HIVEP3: variants seen among roughly 807,000 people sequenced by gnomAD.
HIVEP3 encodes transcription factor HIVEP3.
Under a neutral mutation model 152.8 loss-of-function variants are expected in HIVEP3, and 49 were observed. That is an observed-to-expected ratio of 0.32 (90% CI 0.26 to 0.41). The LOEUF (loss-of-function observed/expected upper bound fraction) is 0.41, where lower values mean the gene tolerates loss of function less well. Ranked by LOEUF, HIVEP3 falls within the 10% of genes least tolerant of loss-of-function variation. The pLI, the probability that HIVEP3 is intolerant of heterozygous loss-of-function variation, is 1.00. For synonymous variants in HIVEP3, 1,269 were observed against 1,289.0 expected (o/e 0.98, Z 0.33); for missense variants, 2,790 against 3,103.3 (o/e 0.90, Z 2.40).
chr1:42,020,611 C>T (rs957877349), intron 1 of HIVEP3, among the ~76,000 whole-genome samples: 15 of 152,092 alleles, frequency 9.9e-5, no homozygotes, highest in African/African-American at 3.6e-4. Flanking sequence ...GCTGTGCTAC[C>T]TCTATCATAT....
At position 41,582,870 on chromosome 1, in the gene HIVEP3, T is replaced by C. The variant is rs1218561509; in HGVS notation, c.1928A>G (p.Tyr643Cys). The change falls in exon 4 of 9, where the codon TAC (tyrosine) becomes TGC (cysteine). Residue 643 changes from tyrosine (Y) to cysteine (C), a missense_variant. By Grantham distance (194) the Tyr-to-Cys change is radical. This residue lies in a region of HIVEP3 where 339 missense variants were observed against 327.0 expected (regional missense o/e 1.04). Transcript: ENST00000372583. The surrounding 1 kb of genome is among the most constrained non-coding windows in gnomAD (Gnocchi z 4.7). ...KKGLKTKGVI[Y>C]ECNICGARYK... ...CCGAGCACCACATATGTTACATTCG[T>C]AGATCACCCCTTTTGTTTTCAAACC... 2 of 1,614,090 alleles carry C rather than the reference T, an allele frequency of 1.2e-6. No homozygotes were observed. The highest frequency in any genetic ancestry group is 1.1e-5 in the South Asian group (1 of 91,096).
At chr1:42,022,342 G>A (rs886915038) in intron 1 of HIVEP3, among the ~76,000 whole-genome samples, 9 of 151,972 alleles carry the variant, frequency 5.9e-5, no homozygotes, top group Admixed American at 2.6e-4. Context: ...CATCCCTCCC[G>A]TGGGATGCTT....
intron 5 of HIVEP3, among the ~76,000 whole-genome samples, chr1:41,547,023 C>T (rs1162513492): frequency 6.6e-6 from 1 of 152,128 alleles, no homozygotes; most frequent in African/African-American, 2.4e-5. Flanking sequence ...GCTGAAGTGT[C>T]CTCTAGTCTC....
At chr1:41,587,757 A>G (rs1644526464) in intron 3 of HIVEP3, among the ~76,000 whole-genome samples, 1 of 152,156 alleles carries the variant, frequency 6.6e-6, no homozygotes, top group Admixed American at 6.5e-5. Flanking sequence ...TCACACGGGA[A>G]TGGTGGCAGG....
At chr1:41,677,950 A>G (rs1030247365) in intron 2 of HIVEP3, among the ~76,000 whole-genome samples, 3 of 152,188 alleles carry the variant, frequency 2.0e-5, no homozygotes, top group Non-Finnish European at 4.4e-5. Context: ...CTTGACCTGG[A>G]GGCCCCAGCT....
At chr1:41,994,150 T>A (rs1487377962) in intron 1 of HIVEP3, among the ~76,000 whole-genome samples, 4 of 146,028 alleles carry the variant, frequency 2.7e-5, no homozygotes, top group Non-Finnish European at 6.0e-5. Flanking sequence ...TAAAGTATAA[T>A]AATAAAAGAA....
intron 1 of HIVEP3, among the ~76,000 whole-genome samples, chr1:41,780,482 G>A (rs1648977436): frequency 6.6e-6 from 1 of 152,208 alleles, no homozygotes; most frequent in South Asian, 2.1e-4. Context: ...AGTTGGTTGT[G>A]CTGGTTTATT....
At chr1:41,690,573 G>C (rs1646182313) in intron 2 of HIVEP3, among the ~76,000 whole-genome samples, 1 of 152,224 alleles carries the variant, frequency 6.6e-6, no homozygotes. Flanking sequence ...AGCATCTCCA[G>C]AGCCCTGTGC....
intron 5 of HIVEP3, among the ~76,000 whole-genome samples, chr1:41,559,439 C>T (rs1569901957): frequency 6.6e-6 from 1 of 152,238 alleles, no homozygotes. Context: ...CCCAGGCCTC[C>T]CTGGCAGGAC....
intron 1 of HIVEP3, among the ~76,000 whole-genome samples, chr1:41,723,468 C>T (rs919085281): frequency 3.4e-5 from 5 of 149,030 alleles, no homozygotes; most frequent in Non-Finnish European, 5.9e-5. Context: ...TGCACCCATA[C>T]CATAAAATCA....
intron 1 of HIVEP3, among the ~76,000 whole-genome samples, chr1:41,792,606 G>C (rs1273992721): frequency 2.0e-5 from 3 of 152,204 alleles, no homozygotes; most frequent in Non-Finnish European, 4.4e-5. Context: ...AAAAGGCCAA[G>C]GAGCATGGAA....
intron 1 of HIVEP3, among the ~76,000 whole-genome samples, chr1:41,830,430 G>T (rs1642926586): frequency 1.3e-5 from 2 of 152,200 alleles, no homozygotes; most frequent in African/African-American, 2.4e-5. Flanking sequence ...GGCTATGGTG[G>T]ATGCTGCGGT....
chr1:41,938,559 G>A (rs1645030965), intron 1 of HIVEP3, among the ~76,000 whole-genome samples: 1 of 152,162 alleles, frequency 6.6e-6, no homozygotes, highest in South Asian at 2.1e-4. Context: ...CAAAAAGAAA[G>A]TAAGGATGAG....
chr1:41,948,174 A>ATGGTATGCAGGGT (rs1645085313), intron 1 of HIVEP3, among the ~76,000 whole-genome samples: 1 of 152,258 alleles, frequency 6.6e-6, no homozygotes, highest in Non-Finnish European at 1.5e-5. Context: ...AGGACTTCGA[A>ATGGTATGCAGGGT]AAGCAGGGTA....
intron 2 of HIVEP3, among the ~76,000 whole-genome samples, chr1:41,671,900 G>A (rs1313135670): frequency 6.6e-6 from 1 of 152,220 alleles, no homozygotes; most frequent in African/African-American, 2.4e-5. Flanking sequence ...GGAGGCAGGG[G>A]AAACAGCTGA....
chr1:41,753,376 A>G (rs12411155), intron 1 of HIVEP3, among the ~76,000 whole-genome samples: 1 of 152,198 alleles, frequency 6.6e-6, no homozygotes, highest in African/African-American at 2.4e-5. Flanking sequence ...ATTGGAAGCA[A>G]TGGGCCGGGC....
rs1553216435 is a variant in HIVEP3, at chr1:41,510,389, A to AGTGGCTGGAAACGTCT, written c.*46_*61dup. ...TGAGGAAGTGGGATGATTCGAGGAA[A>AGTGGCTGGAAACGTCT]GTGGCTGGAAACGTCTGTTGCTGGA... On this transcript the variant is annotated 3_prime_UTR_variant, in exon 9 of 9. Coordinates refer to ENST00000372583, the MANE Select transcript of HIVEP3 (RefSeq NM_024503.5). 6.0e-6 allele frequency: 8 copies of AGTGGCTGGAAACGTCT among 1,343,480 alleles called. No individual in the cohort carries two copies. The African/African-American group carries it at 1.1e-4, about 18-fold the overall frequency. 83.2% of individuals were successfully genotyped at this position (1,343,480 alleles called of 1,614,324 possible).
intron 1 of HIVEP3, among the ~76,000 whole-genome samples, chr1:42,035,424 C>T (rs1348133801): frequency 4.6e-5 from 7 of 152,266 alleles, no homozygotes; most frequent in African/African-American, 9.6e-5. Context: ...AAACCCCTGA[C>T]CACAAAGTGA....
chr1:41,559,125 C>T (rs1558059963), intron 5 of HIVEP3, among the ~76,000 whole-genome samples: 1 of 152,070 alleles, frequency 6.6e-6, no homozygotes, highest in Non-Finnish European at 1.5e-5. Flanking sequence ...GGAGCTTTGG[C>T]CCCGCTGCCT....
Sources: gnomAD v4.1 joint callset for allele counts (sites outside exome capture counted in the v4.1 genomes callset) on GRCh38, gnomAD v4.1.1 for gene constraint, gnomAD v4.1.1 regional missense constraint, Gnocchi (gnomAD v3.1) non-coding constraint, MANE v1.5 for transcripts, NCBI Gene and HGNC (gene_info 2026-07-23, HGNC 2026-07-21) for gene names.